FNIP1: variants seen among roughly 807,000 people sequenced by gnomAD.
FNIP1 encodes folliculin-interacting protein 1.
In FNIP1, 40 loss-of-function variants were observed where a neutral mutation model predicts 124.5. The ratio of observed to expected loss-of-function variants is 0.32; its 90% confidence interval spans 0.25 to 0.42. The LOEUF (loss-of-function observed/expected upper bound fraction) is 0.42. Among genes scored for constraint, FNIP1 ranks in the 10% least tolerant of loss-of-function variants. FNIP1 has a pLI of 1.00. For synonymous variants in FNIP1, 472 were observed against 470.6 expected, an observed-to-expected ratio of 1.00 and a Z score of -0.04; for missense variants, 1,176 against 1,403.7, an observed-to-expected ratio of 0.84 and a Z score of 2.59.
intron 10 of FNIP1, among the ~76,000 whole-genome samples, chr5:131,702,629 T>C (rs2149532111): frequency 6.6e-6 from 1 of 152,304 alleles, no homozygotes; most frequent in African/African-American, 2.4e-5. Flanking sequence ...AAATGAAACT[T>C]CTTCCCAATA....
At chr5:131,661,220 T>TG (rs1554092139) in intron 15 of FNIP1, among the ~76,000 whole-genome samples, 59,195 of 147,528 alleles carry the variant, frequency 0.4, 12,831 homozygotes, top group Non-Finnish European at 0.49. Flanking sequence ...TGTCTTTGTT[T>TG]TGTGTGTGTG....
chr5:131,666,978 T>A (rs904609734), intron 15 of FNIP1, among the ~76,000 whole-genome samples: 3 of 152,210 alleles, frequency 2.0e-5, no homozygotes, highest in African/African-American at 7.2e-5. Context: ...GAAGAACTCA[T>A]ATACAATTCC....
In FNIP1 at chr5:131,750,615, T is replaced by C. The variant is rs994018197; in HGVS notation, c.93-5925A>G. 1.1e-3 allele frequency among the ~76,000 whole-genome samples: 156 copies of C among 147,670 alleles called. 1 individual carries two copies. The highest frequency in any genetic ancestry group is 3.9e-3 in the African/African-American group (149 of 37,844). ...AGGGGAGGTATATTCTTCCCTTCTT[T>C]CTTTTTTTTTTTTTTTAGACAGAGT... On this transcript the variant is annotated intron_variant, in intron 1 of 17. Transcript: ENST00000510461.
At chr5:131,647,231 C>T (rs1346743201) in intron 16 of FNIP1, 26 bp from the exon 17 acceptor site, 9 of 1,577,872 alleles carry the variant, frequency 5.7e-6, no homozygotes, top group Non-Finnish European at 7.8e-6. Context: ...AACCAAGAAC[C>T]AGGTCAGAAA....
At position 131,672,953 on chromosome 5, in the gene FNIP1, A is replaced by G. The variant is rs184327005; in HGVS notation, c.1520-29T>C. 1.1e-4 allele frequency: 160 copies of G among 1,467,318 alleles called. 1 individual carries two copies. The East Asian group carries it at 2.3e-3, about 21-fold the overall frequency. The allele number at this position is 1,467,318 out of a possible 1,614,324, so 90.9% of individuals were successfully genotyped here. A position where few individuals can be genotyped will look rare whatever the true frequency, so the allele number is the denominator to read the frequency against. On this transcript the variant is annotated intron_variant, in intron 13 of 17. Transcript: ENST00000510461. ...TAATGGAAAAAATCAGTTATTGGAC[A>G]TGTCCTTTACTGACACAGCTAAGTA... is the stretch of plus-strand genomic sequence containing the variant.
intron 13 of FNIP1, among the ~76,000 whole-genome samples, chr5:131,674,294 G>A (rs13181564): frequency 3.5e-3 from 531 of 152,268 alleles, no homozygotes; most frequent in Non-Finnish European, 5.9e-3. Flanking sequence ...TTTCACTTTT[G>A]AATCCATTCT....
In FNIP1 at chr5:131,706,508, G is replaced by C; in HGVS notation, c.817C>G (p.Pro273Ala). The change falls in exon 9 of 18, where the codon CCA becomes GCA. Residue 273 changes from proline to alanine, a missense_variant. Pro to Ala is a conservative substitution (Grantham distance 27). Around this residue, in one of 2 missense-constraint regions of FNIP1, gnomAD observed 1,109 missense variants for 1,288.5 expected, o/e 0.86. Transcript: ENST00000510461. The stretch of plus-strand genomic sequence containing the variant: ...CAACTTCGGGTAAGTGAGGAGTTTG[G>C]GGAAGGAAATGGAGTGATCAGCAAG... ...SSLLITPFPS[P>A]NSSLTRSCAS... 2 of 1,613,264 alleles carry C rather than the reference G, an allele frequency of 1.2e-6. No individual in the cohort carries two copies. Among genetic ancestry groups the C allele is most frequent in the Non-Finnish European group, 1.7e-6 (2 of 1,179,482 alleles).
rs888283943 is a variant in FNIP1 at position 131,768,465 on chromosome 5, G to C, written c.93-23775C>G. On this transcript the variant is annotated intron_variant, in intron 1 of 17. Transcript: ENST00000510461. ...AAGTTGTTTAACTGGGTCATACACAGTTTTTTTTTTTTTTTAAAAAGGGGG... is the reference window on the plus strand; with the variant it reads ...AAGTTGTTTAACTGGGTCATACACACTTTTTTTTTTTTTTTAAAAAGGGGG... 8.1e-5 allele frequency among the ~76,000 whole-genome samples: 12 copies of C among 148,372 alleles called. 1 individual carries two copies. The highest frequency in any genetic ancestry group is 7.4e-4 in the Admixed American group (11 of 14,926).
Position 131,672,132 on chromosome 5 carries a change from G to T in FNIP1, c.2312C>A (p.Ala771Glu). ...PDSDTELRSQAVVDQITRHHT... is the reference protein window; with the variant it reads ...PDSDTELRSQEVVDQITRHHT... ...ATGTCTGGTAATCTGATCCACCACT[G>T]CCTGACTTCGAAGCTCAGTATCTGA... The change falls in exon 14 of 18, where the codon GCA (alanine) becomes GAA (glutamate). Residue 771 changes from alanine to glutamate, a missense_variant. Physicochemically the swap from Ala to Glu is moderately radical, Grantham distance 107. Transcript: ENST00000510461. 6.2e-7 allele frequency: 1 copy of T among 1,614,130 alleles called. No homozygotes were observed. Among genetic ancestry groups the T allele is most frequent in the African/African-American group, 1.3e-5 (1 of 75,016 alleles).
At chr5:131,783,022 T>C (rs1193206042) in intron 1 of FNIP1, among the ~76,000 whole-genome samples, 1 of 152,264 alleles carries the variant, frequency 6.6e-6, no homozygotes, top group Non-Finnish European at 1.5e-5. Flanking sequence ...GACATAATGC[T>C]ACTACACACT....
chr5:131,695,963 T>C (rs1376786684), intron 11 of FNIP1, among the ~76,000 whole-genome samples: 1 of 152,224 alleles, frequency 6.6e-6, no homozygotes, highest in African/African-American at 2.4e-5. Flanking sequence ...ATATGTATCC[T>C]AGGCAGGCCT....
rs1766843252 is a variant in FNIP1 at position 131,645,143 on chromosome 5, G to A, written c.3423-380C>T. Among the ~76,000 whole-genome samples, 2 of 152,028 alleles carry A rather than the reference G, an allele frequency of 1.3e-5. 1 individual carries two copies. The highest frequency in any genetic ancestry group is 4.2e-4 in the South Asian group (2 of 4,812). On this transcript the variant is annotated intron_variant, in intron 17 of 17. Coordinates refer to ENST00000510461, the MANE Select transcript of FNIP1 (RefSeq NM_133372.3). ...AAGACCAACCTAAGCAAGATAATGA[G>A]ACCCTGTCTCCACAAAAAAATTTTA...
At chr5:131,658,040 CAA>C (rs543062745) in intron 15 of FNIP1, among the ~76,000 whole-genome samples, 609 of 57,270 alleles carry the variant, frequency 0.011, 3 homozygotes, top group African/African-American at 0.031. Context: ...GACTCCATCT[CAA>C]AAAAAAAAAA....
At chr5:131,746,541 C>A (rs1282830748) in intron 1 of FNIP1, among the ~76,000 whole-genome samples, 2 of 152,186 alleles carry the variant, frequency 1.3e-5, no homozygotes, top group African/African-American at 4.8e-5. Context: ...ATTTTCTGTT[C>A]CTGCATTAAT....
intron 11 of FNIP1, among the ~76,000 whole-genome samples, chr5:131,694,583 C>T (rs540389270): frequency 2.0e-5 from 3 of 152,156 alleles, no homozygotes; most frequent in African/African-American, 7.2e-5. Flanking sequence ...TCAGTGGTTG[C>T]CAGCAGTTAG....
chr5:131,767,345 C>T (rs1215548512), intron 1 of FNIP1, among the ~76,000 whole-genome samples: 1 of 138,850 alleles, frequency 7.2e-6, no homozygotes, highest in Non-Finnish European at 1.5e-5. Context: ...GGGAGAATCG[C>T]TTGAACCTGG....
At chr5:131,693,362 A>ATATATG (rs1561658551) in intron 11 of FNIP1, among the ~76,000 whole-genome samples, 3 of 131,536 alleles carry the variant, frequency 2.3e-5, no homozygotes, top group African/African-American at 8.6e-5. Flanking sequence ...ATATATATAT[A>ATATATG]GTTACAGAGA....
intron 6 of FNIP1, among the ~76,000 whole-genome samples, chr5:131,714,658 A>C (rs569178471): frequency 6.6e-6 from 1 of 152,298 alleles, no homozygotes; most frequent in Admixed American, 6.5e-5. Context: ...TGTACGTACC[A>C]CTGCTTCTTC....
chr5:131,728,447 C>A (rs1769963935), intron 3 of FNIP1, among the ~76,000 whole-genome samples: 1 of 151,970 alleles, frequency 6.6e-6, no homozygotes, highest in South Asian at 2.1e-4. Context: ...TCTCTGATAT[C>A]CTTTCTTCCG....
Sources: gnomAD v4.1 joint callset for allele counts (sites outside exome capture counted in the v4.1 genomes callset) on GRCh38, gnomAD v4.1.1 for gene constraint, gnomAD v4.1.1 regional missense constraint, MANE v1.5 for transcripts, NCBI Gene and HGNC (gene_info 2026-07-23, HGNC 2026-07-21) for gene names.